Variants in CSMD2 observed in about 807,000 individuals in gnomAD.
CSMD2 encodes the protein CUB and Sushi multiple domains 2.
A neutral mutation model predicts 398.5 loss-of-function variants in CSMD2; 130 were observed. That is an observed-to-expected ratio of 0.33 (90% CI 0.28 to 0.38). The LOEUF (loss-of-function observed/expected upper bound fraction) is 0.38, where lower values mean the gene tolerates loss of function less well. Among genes scored for constraint, CSMD2 ranks in the 10% least tolerant of loss-of-function variants. CSMD2 has a pLI of 1.00. For synonymous variants in CSMD2, 1,828 were observed against 1,908.5 expected, an observed-to-expected ratio of 0.96 and a Z score of 1.10; for missense variants, 3,829 against 4,764.9, an observed-to-expected ratio of 0.80 and a Z score of 5.78.
chr1:33,977,445 C>T (rs1646008492), intron 3 of CSMD2, among the ~76,000 whole-genome samples: 1 of 152,102 alleles, frequency 6.6e-6, no homozygotes, highest in Admixed American at 6.5e-5. Context: ...GACACCCTCC[C>T]TATTACCCAG....
rs560083934 is a variant in CSMD2, at chr1:33,635,663, C to G, written c.4970-333G>C. ...GAACCTCTTCTGCTTACACGTGGAGCCTAGAAATGATCTGCTGCCCTGGCT... is the reference window on the plus strand; with the variant it reads ...GAACCTCTTCTGCTTACACGTGGAGGCTAGAAATGATCTGCTGCCCTGGCT... On this transcript the variant is annotated intron_variant, in intron 30 of 70. Coordinates refer to ENST00000373381, the MANE Select transcript of CSMD2 (RefSeq NM_001281956.2). This position sits in a 1 kb window ranked among gnomAD's most constrained non-coding sequence, Gnocchi z 5.0. Among the ~76,000 whole-genome samples, 76 of 152,170 alleles carry G rather than the reference C, an allele frequency of 5.0e-4. No individual in the cohort carries two copies. The highest frequency in any genetic ancestry group is 9.3e-4 in the Non-Finnish European group (63 of 68,020).
intron 9 of CSMD2, among the ~76,000 whole-genome samples, chr1:33,818,611 T>C (rs1434525541): frequency 6.6e-6 from 1 of 152,228 alleles, no homozygotes; most frequent in African/African-American, 2.4e-5. Flanking sequence ...TTTAAAAACA[T>C]AGTAGCTATG....
Position 33,577,232 on chromosome 1 carries a change from G to A in CSMD2, c.7576+64C>T. Reference sequence around the variant, plus strand: ...CACATTTGGAAGTGACTAGTCCTGGGACAAACCCAAGATATGAGTTGGATC... The same window carrying A: ...CACATTTGGAAGTGACTAGTCCTGGAACAAACCCAAGATATGAGTTGGATC... On this transcript the variant is annotated intron_variant, in intron 49 of 70. Coordinates refer to ENST00000373381, the MANE Select transcript of CSMD2 (RefSeq NM_001281956.2). The A allele has an allele frequency of 8.1e-6, 12 of 1,482,500 alleles. No homozygotes were observed. The South Asian group carries it at 1.1e-4, about 13-fold the overall frequency. The allele number at this position is 1,482,500 out of a possible 1,614,324, so 91.8% of individuals were successfully genotyped here.
intron 6 of CSMD2, among the ~76,000 whole-genome samples, chr1:33,842,883 T>C (rs1660995590): frequency 6.6e-6 from 1 of 152,232 alleles, no homozygotes; most frequent in Admixed American, 6.5e-5. Flanking sequence ...ATGGAAGTAG[T>C]TGTGGTTCAT....
rs1646705376 is a variant in CSMD2 at position 33,731,157 on chromosome 1, CT to C, written c.2369-4473del. 2.0e-5 allele frequency among the ~76,000 whole-genome samples: 3 copies of C among 152,116 alleles called. No individual in the cohort carries two copies. In the South Asian group the frequency reaches 6.2e-4, roughly 32 times the overall value. On this transcript the variant is annotated intron_variant, in intron 15 of 70. Transcript: ENST00000373381. ...TGTAATGATATTTAAAAATGTGCAACTTTGGAAGGTGTTAGGGAATCAACTC... is the reference window on the plus strand; with the variant it reads ...TGTAATGATATTTAAAAATGTGCAACTTGGAAGGTGTTAGGGAATCAACTC...
chr1:33,796,767 G>A (rs1654997465), intron 10 of CSMD2, among the ~76,000 whole-genome samples: 1 of 152,196 alleles, frequency 6.6e-6, no homozygotes, highest in South Asian at 2.1e-4. Context: ...TCTTGTTGCA[G>A]AGAACCTATA....
At chr1:34,128,904 C>T (rs929001344) in intron 1 of CSMD2, among the ~76,000 whole-genome samples, 12 of 152,122 alleles carry the variant, frequency 7.9e-5, no homozygotes, top group Admixed American at 7.2e-4. Context: ...AAGCAAGATG[C>T]TCACAACTGC....
At chr1:33,544,662 G>A (rs1656699576) in intron 57 of CSMD2, among the ~76,000 whole-genome samples, 1 of 152,166 alleles carries the variant, frequency 6.6e-6, no homozygotes, top group East Asian at 1.9e-4. Context: ...TGGGAAGGGT[G>A]AGTCAGGGGA....
intron 9 of CSMD2, chr1:33,814,366 T>C (rs1311701235): frequency 6.6e-6 from 1 of 152,220 alleles, no homozygotes; most frequent in African/African-American, 2.4e-5. Context: ...AAAAAAATCC[T>C]AGCTATTGCC....
At chr1:33,651,312 G>C (rs2148965222) in intron 28 of CSMD2, among the ~76,000 whole-genome samples, 2 of 152,354 alleles carry the variant, frequency 1.3e-5, no homozygotes, top group South Asian at 4.1e-4. Flanking sequence ...GAAGCCGTGA[G>C]AGCAGGTGTC....
chr1:33,674,194 T>C (rs1292217030), intron 25 of CSMD2, among the ~76,000 whole-genome samples: 1 of 152,200 alleles, frequency 6.6e-6, no homozygotes, highest in Admixed American at 6.5e-5. Flanking sequence ...CCTATCAGTG[T>C]GCTGTATTCA....
chr1:33,639,441 A>G (rs1008198756), intron 29 of CSMD2, among the ~76,000 whole-genome samples: 2 of 152,062 alleles, frequency 1.3e-5, no homozygotes, highest in African/African-American at 4.8e-5. Flanking sequence ...TTTTAATGCC[A>G]CCTTCTCTCT....
intron 1 of CSMD2, among the ~76,000 whole-genome samples, chr1:34,094,460 T>C (rs1335731892): frequency 6.6e-6 from 1 of 152,032 alleles, no homozygotes; most frequent in Admixed American, 6.6e-5. Context: ...AGACACAGAC[T>C]GGCAAATTGG....
At chr1:33,866,845 G>A (rs543955670) in intron 5 of CSMD2, among the ~76,000 whole-genome samples, 1 of 152,354 alleles carries the variant, frequency 6.6e-6, no homozygotes, top group African/African-American at 2.4e-5. Flanking sequence ...ATTCCTCTGA[G>A]CCTCATGTTC....
At chr1:33,983,249 T>G (rs1646234671) in intron 3 of CSMD2, among the ~76,000 whole-genome samples, 1 of 152,194 alleles carries the variant, frequency 6.6e-6, no homozygotes, top group Non-Finnish European at 1.5e-5. Flanking sequence ...ATGATTATTT[T>G]TTGAGCACTT....
chr1:34,085,082 G>C (rs1412768824), intron 2 of CSMD2, among the ~76,000 whole-genome samples: 5 of 152,164 alleles, frequency 3.3e-5, no homozygotes, highest in Admixed American at 6.5e-5. Context: ...CCTTTGTAGG[G>C]ACATGGATGA....
chr1:33,620,772 T>G (rs985169283), intron 37 of CSMD2, among the ~76,000 whole-genome samples: 3 of 151,094 alleles, frequency 2.0e-5, no homozygotes, highest in Admixed American at 2.0e-4. Flanking sequence ...TCCTACCCTT[T>G]ACCCTGCAGG....
chr1:33,698,713 G>C, intron 24 of CSMD2, 40 bp downstream of exon 24: 2 of 1,572,818 alleles, frequency 1.3e-6, no homozygotes, highest in South Asian at 1.2e-5. Context: ...TGGTATTATG[G>C]GAGACCCAAG....
At chr1:33,848,077 A>G (rs1427005729) in intron 5 of CSMD2, among the ~76,000 whole-genome samples, 1 of 152,148 alleles carries the variant, frequency 6.6e-6, no homozygotes, top group Non-Finnish European at 1.5e-5. Flanking sequence ...ATAGGTCCTT[A>G]TACCCTTTCT....
Sources: allele counts gnomAD v4.1 joint callset (sites outside exome capture counted in the v4.1 genomes callset), GRCh38; gene constraint gnomAD v4.1.1; non-coding constraint Gnocchi (gnomAD v3.1); transcripts MANE v1.5; gene names NCBI Gene and HGNC (gene_info 2026-07-23, HGNC 2026-07-21).